SFXN5: variants seen among roughly 807,000 people sequenced by gnomAD.
SFXN5 encodes the protein sideroflexin-5.
Under a neutral mutation model 50.2 loss-of-function variants are expected in SFXN5, and 43 were observed. The observed-to-expected ratio is 0.86, with a 90% CI of 0.67 to 1.11. The LOEUF is 1.11. Ranked by LOEUF, SFXN5 falls within the 50% of genes least tolerant of loss-of-function variation. The pLI is 0.00. For synonymous variants in SFXN5, 203 were observed against 185.8 expected (o/e 1.09, Z -0.75); for missense variants, 463 against 454.1 (o/e 1.02, Z -0.18).
At chr2:73,051,168 AAGG>A (rs1472844302) in intron 2 of SFXN5, among the ~76,000 whole-genome samples, 1 of 152,036 alleles carries the variant, frequency 6.6e-6, no homozygotes, top group Non-Finnish European at 1.5e-5. Context: ...TTCTAAAAGG[AAGG>A]AGGCTTTCCC....
At chr2:73,054,500 G>A (rs1243491342) in intron 2 of SFXN5, among the ~76,000 whole-genome samples, 2 of 152,186 alleles carry the variant, frequency 1.3e-5, no homozygotes, top group Admixed American at 1.3e-4. Context: ...GAGGAGAGTA[G>A]TGAAATGAAA....
rs532995343 is a variant in SFXN5 at position 72,981,832 on chromosome 2, C to A, written c.625+6426G>T. On this transcript the variant is annotated intron_variant, in intron 10 of 13. Transcript: ENST00000272433. Reference sequence around the variant, plus strand: ...CTAATTATCCCCGCCCTTTTCTCAACAAACACCATTTCCGTACATAATTCA... The same window carrying A: ...CTAATTATCCCCGCCCTTTTCTCAAAAAACACCATTTCCGTACATAATTCA... Among the ~76,000 whole-genome samples, 5 of 152,332 alleles carry A rather than the reference C, an allele frequency of 3.3e-5. No individual in the cohort carries two copies. The South Asian group carries it at 1.0e-3, about 32-fold the overall frequency.
chr2:72,958,397 C>T (rs1444542593), intron 13 of SFXN5, among the ~76,000 whole-genome samples: 3 of 152,200 alleles, frequency 2.0e-5, no homozygotes, highest in Non-Finnish European at 1.5e-5. Context: ...GGGCTGGTCC[C>T]ATGGCTTTTC....
chr2:73,066,447 A>G (rs1318084526), intron 1 of SFXN5, among the ~76,000 whole-genome samples: 4 of 151,932 alleles, frequency 2.6e-5, no homozygotes, highest in Non-Finnish European at 5.9e-5. Flanking sequence ...AATCCCAGCT[A>G]CTCAGGAGGC....
Position 72,961,358 on chromosome 2 carries a change from G to T in SFXN5, c.828-110C>A. Reference sequence around the variant, plus strand: ...CTCTGGGCCCAGGAAGCGTGGTTCCGGGGCAGTGCCAGTGTGCAGCTAAAC... The same window carrying T: ...CTCTGGGCCCAGGAAGCGTGGTTCCTGGGCAGTGCCAGTGTGCAGCTAAAC... On this transcript the variant is annotated intron_variant, in intron 12 of 13. Coordinates refer to ENST00000272433, the MANE Select transcript of SFXN5 (RefSeq NM_144579.3). The surrounding 1 kb of genome is among the most constrained non-coding windows in gnomAD (Gnocchi z 4.4). 3 of 654,740 alleles carry T rather than the reference G, an allele frequency of 4.6e-6. No homozygotes were observed. The highest frequency in any genetic ancestry group is 7.4e-6 in the Non-Finnish European group (3 of 405,632). 40.6% of individuals were successfully genotyped at this position (654,740 alleles called of 1,614,324 possible). A position where few individuals can be genotyped will look rare whatever the true frequency, so the allele number is the denominator to read the frequency against.
intron 6 of SFXN5, among the ~76,000 whole-genome samples, chr2:73,003,610 C>T (rs1311610107): frequency 6.6e-6 from 1 of 152,224 alleles, no homozygotes; most frequent in Non-Finnish European, 1.5e-5. Flanking sequence ...CCCCATCTGC[C>T]AAGTGTACAG....
chr2:72,984,472 G>C (rs1671665129), intron 10 of SFXN5, among the ~76,000 whole-genome samples: 1 of 152,276 alleles, frequency 6.6e-6, no homozygotes, highest in South Asian at 2.1e-4. Flanking sequence ...ATGGGTGAGG[G>C]GTTATCTCAC....
intron 3 of SFXN5, among the ~76,000 whole-genome samples, chr2:73,040,601 C>T (rs867133228): frequency 1.3e-5 from 2 of 152,230 alleles, no homozygotes; most frequent in African/African-American, 4.8e-5. Flanking sequence ...CTCTCGCAAG[C>T]CAGTGCGGGC....
intron 1 of SFXN5, among the ~76,000 whole-genome samples, chr2:73,068,967 G>A (rs1683375553): frequency 2.0e-5 from 3 of 151,702 alleles, no homozygotes; most frequent in Non-Finnish European, 4.4e-5. Flanking sequence ...AGTGGTGGGA[G>A]GGAACGTGGT....
At chr2:72,949,616 GT>G (rs1672311970) in intron 13 of SFXN5, among the ~76,000 whole-genome samples, 1 of 151,820 alleles carries the variant, frequency 6.6e-6, no homozygotes, top group African/African-American at 2.4e-5. Flanking sequence ...GCCTTAGACT[GT>G]CTTAGAAAGG....
chr2:72,987,131 T>C (rs1449971106), intron 10 of SFXN5, among the ~76,000 whole-genome samples: 1 of 152,186 alleles, frequency 6.6e-6, no homozygotes, highest in Admixed American at 6.5e-5. Flanking sequence ...TGTTTTGTTT[T>C]GTTTTTGAGA....
intron 6 of SFXN5, among the ~76,000 whole-genome samples, chr2:73,002,958 A>C (rs17504810): frequency 0.063 from 9,609 of 152,288 alleles, 380 homozygotes; most frequent in East Asian, 0.17. Context: ...GAAGGGGCTG[A>C]CCTCAGTTTA....
In SFXN5 at chr2:72,981,996, T is replaced by TGTGC. The variant is rs1491565927; in HGVS notation, c.625+6261_625+6262insGCAC. Among the ~76,000 whole-genome samples the TGTGC allele has an allele frequency of 5.0e-4, 72 of 142,996 alleles. 1 individual carries two copies. Among genetic ancestry groups the TGTGC allele is most frequent in the African/African-American group, 1.7e-3 (67 of 39,760 alleles). The allele number at this position is 142,996 out of a possible 152,430, so 93.8% of individuals were successfully genotyped here. A position where few individuals can be genotyped will look rare whatever the true frequency, so the allele number is the denominator to read the frequency against. ...GTGTGTGTGTGTGTGTGTGTGTGTGTGCGTGCCATTTTGAACATCTAACCA... is the reference window on the plus strand; with the variant it reads ...GTGTGTGTGTGTGTGTGTGTGTGTGTGTGCGCGTGCCATTTTGAACATCTAACCA... On this transcript the variant is annotated intron_variant, in intron 10 of 13. Transcript: ENST00000272433.
rs186525596 is a variant in SFXN5 at position 73,034,385 on chromosome 2, T to C, written c.249+6469A>G. 1.8e-4 allele frequency among the ~76,000 whole-genome samples: 27 copies of C among 152,334 alleles called. No homozygotes were observed. The East Asian group carries it at 4.4e-3, about 25-fold the overall frequency. On this transcript the variant is annotated intron_variant, in intron 3 of 13. Coordinates refer to ENST00000272433, the MANE Select transcript of SFXN5 (RefSeq NM_144579.3). ...CAGAAGACTTGGGGCACAAGTATTT[T>C]TAAGCCTGCCTCTGGTATTTGCTCT... is the stretch of plus-strand genomic sequence containing the variant.
chr2:72,993,325 T>G (rs187383049), intron 9 of SFXN5, among the ~76,000 whole-genome samples: 2 of 152,290 alleles, frequency 1.3e-5, no homozygotes, highest in Non-Finnish European at 2.9e-5. Context: ...TGGAGGTCAA[T>G]TGTTCCCCAA....
intron 10 of SFXN5, among the ~76,000 whole-genome samples, chr2:72,986,239 C>T (rs1671909511): frequency 6.6e-6 from 1 of 152,240 alleles, no homozygotes; most frequent in East Asian, 1.9e-4. Context: ...AGCCAGGTGG[C>T]TGGTTCTCGG....
chr2:73,004,239 T>G (rs1255342275), intron 6 of SFXN5, among the ~76,000 whole-genome samples: 1 of 151,874 alleles, frequency 6.6e-6, no homozygotes, highest in East Asian at 1.9e-4. Context: ...CATCCATTTA[T>G]GAGGAGCTGC....
chr2:73,004,717 T>C (rs1174225944), intron 6 of SFXN5, among the ~76,000 whole-genome samples: 9 of 152,144 alleles, frequency 5.9e-5, no homozygotes, highest in African/African-American at 1.9e-4. Flanking sequence ...GGGGGCCATG[T>C]GAGGCTGAGG....
At chr2:72,993,403 T>C (rs190485295) in intron 9 of SFXN5, among the ~76,000 whole-genome samples, 7 of 152,342 alleles carry the variant, frequency 4.6e-5, no homozygotes, top group Admixed American at 4.6e-4. Flanking sequence ...GACAGAGCTC[T>C]GCACAGGCTA....
Sources: allele counts gnomAD v4.1 joint callset (sites outside exome capture counted in the v4.1 genomes callset), GRCh38; gene constraint gnomAD v4.1.1; non-coding constraint Gnocchi (gnomAD v3.1); transcripts MANE v1.5; gene names NCBI Gene and HGNC (gene_info 2026-07-23, HGNC 2026-07-21).